The following NOL4L variants were observed in gnomAD, a reference collection of about 807,000 sequenced individuals.
NOL4L encodes the protein nucleolar protein 4-like.
In NOL4L, 7 loss-of-function variants were observed where a neutral mutation model predicts 64.5. The ratio of observed to expected loss-of-function variants is 0.11; its 90% CI spans 0.06 to 0.20. The LOEUF (loss-of-function observed/expected upper bound fraction) is 0.20, where lower values mean the gene tolerates loss of function less well. Among genes scored for constraint, NOL4L ranks in the 10% least tolerant of loss-of-function variants. The pLI, the probability that NOL4L is intolerant of heterozygous loss-of-function variation, is 1.00. For synonymous variants in NOL4L, 413 were observed against 401.0 expected (o/e 1.03, Z -0.36); for missense variants, 680 against 967.1 (o/e 0.70, Z 3.94).
Position 32,460,670 on chromosome 20 carries a change from C to T in NOL4L, c.842-4275G>A, listed in dbSNP as rs1466677962. On this transcript the variant is annotated intron_variant, in intron 5 of 10. Coordinates refer to ENST00000621426, the MANE Select transcript of NOL4L (RefSeq NM_001256798.2). The surrounding 1 kb of genome is among the most constrained non-coding windows in gnomAD (Gnocchi z 5.7). ...CCCCACATTTTCTCACATCATAACT[C>T]ACCCACTGCCGACGCACGAGGCTCC... Among the ~76,000 whole-genome samples the T allele has an allele frequency of 6.6e-6, 1 of 152,232 alleles. No homozygotes were observed. Among genetic ancestry groups the T allele is most frequent in the African/African-American group, 2.4e-5 (1 of 41,454 alleles).
chr20:32,474,357 C>T (rs1016956668), intron 5 of NOL4L, among the ~76,000 whole-genome samples: 2 of 152,262 alleles, frequency 1.3e-5, no homozygotes, highest in Admixed American at 6.5e-5. Flanking sequence ...CCCCCCGCCC[C>T]GCAGGCTGCC....
At chr20:32,506,810 C>T (rs1018248342) in intron 4 of NOL4L, among the ~76,000 whole-genome samples, 1 of 152,184 alleles carries the variant, frequency 6.6e-6, no homozygotes, top group South Asian at 2.1e-4. Context: ...CTCCTCCTCA[C>T]CTGCCCTCCA....
Position 32,452,443 on chromosome 20 carries a change from G to A in NOL4L, c.1621-6C>T, listed in dbSNP as rs71338907. 1.3e-6 allele frequency: 2 copies of A among 1,565,040 alleles called. No homozygotes were observed. The highest frequency in any genetic ancestry group is 3.8e-5 in the Admixed American group (2 of 52,780). ...TCCAGGGCTATGGGCTCATCCTGCAGAGGGGAGAGGGGGGCGCTGGGGAAA... is the reference window on the plus strand; with the variant it reads ...TCCAGGGCTATGGGCTCATCCTGCAAAGGGGAGAGGGGGGCGCTGGGGAAA... On this transcript the variant is annotated splice_polypyrimidine_tract_variant and splice_region_variant and intron_variant, in intron 9 of 10. Coordinates refer to ENST00000621426, the MANE Select transcript of NOL4L (RefSeq NM_001256798.2).
chr20:32,483,403 G>C, intron 4 of NOL4L: 1 of 986,588 alleles, frequency 1.0e-6, no homozygotes, highest in Non-Finnish European at 1.2e-6. Flanking sequence ...CGGGATCCGC[G>C]AGTGAGCGGG....
chr20:32,552,095 A>T (rs1978337687), intron 1 of NOL4L, among the ~76,000 whole-genome samples: 1 of 152,194 alleles, frequency 6.6e-6, no homozygotes, highest in African/African-American at 2.4e-5. Context: ...AGCCTGAATC[A>T]TATTTTAAAT....
intron 4 of NOL4L, among the ~76,000 whole-genome samples, chr20:32,507,806 G>A (rs1216245735): frequency 6.6e-6 from 1 of 152,070 alleles, no homozygotes; most frequent in Non-Finnish European, 1.5e-5. Flanking sequence ...TCAGGAGTTC[G>A]AGATCAGCCT....
chr20:32,549,168 A>T (rs980092835), intron 1 of NOL4L, among the ~76,000 whole-genome samples: 3 of 152,236 alleles, frequency 2.0e-5, no homozygotes, highest in African/African-American at 7.2e-5. Context: ...AAGAAAGCAA[A>T]AAGACAACTC....
chr20:32,536,646 C>T (rs2018537024), intron 1 of NOL4L, among the ~76,000 whole-genome samples: 1 of 150,058 alleles, frequency 6.7e-6, no homozygotes, highest in Non-Finnish European at 1.5e-5. Flanking sequence ...TGAGAGTAAC[C>T]ATGGCAACCC....
chr20:32,570,164 C>T (rs893874014), intron 1 of NOL4L, among the ~76,000 whole-genome samples: 1 of 152,102 alleles, frequency 6.6e-6, no homozygotes, highest in Non-Finnish European at 1.5e-5. Flanking sequence ...TACTAGGCAG[C>T]ACAGCCAGGA....
Position 32,584,766 on chromosome 20 carries a change from T to C in NOL4L, c.125A>G (p.Lys42Arg). The C allele has an allele frequency of 6.5e-7, 1 of 1,544,458 alleles. No homozygotes were observed. Among genetic ancestry groups the C allele is most frequent in the Non-Finnish European group, 8.7e-7 (1 of 1,145,396 alleles). ...LRTYGDSAKT[K>R]TVTRSKYQRI... ...CTGGTATTTGCTGCGTGTCACCGTC[T>C]TGGTTTTGGCCGAGTCGCCGTAGGT... The change falls in exon 1 of 11, where the codon AAG (lysine) becomes AGG (arginine). Residue 42 changes from lysine to arginine, a missense_variant. Physicochemically the swap from Lys to Arg is conservative, Grantham distance 26 (BLOSUM62 2). Around this residue, in one of 4 missense-constraint regions of NOL4L, gnomAD observed 181 missense variants for 335.2 expected, o/e 0.54. Transcript: ENST00000621426.
At chr20:32,534,721 A>G (rs2018456055) in intron 1 of NOL4L, among the ~76,000 whole-genome samples, 1 of 151,654 alleles carries the variant, frequency 6.6e-6, no homozygotes, top group Non-Finnish European at 1.5e-5. Context: ...TCTACAGAAA[A>G]TGCAAAAAAC....
At chr20:32,534,308 T>C (rs559191503) in intron 1 of NOL4L, among the ~76,000 whole-genome samples, 126 of 152,284 alleles carry the variant, frequency 8.3e-4, no homozygotes, top group African/African-American at 2.5e-3. Flanking sequence ...ACGAGATTGC[T>C]ATTGGACGAG....
At chr20:32,503,062 G>A (rs887188612) in intron 4 of NOL4L, among the ~76,000 whole-genome samples, 7 of 152,188 alleles carry the variant, frequency 4.6e-5, no homozygotes, top group Non-Finnish European at 1.0e-4. Flanking sequence ...AGCTCACAGC[G>A]GCTTCTCCAA....
rs143424817 is a variant in NOL4L, at chr20:32,460,905, C to T, written c.842-4510G>A. Reference sequence around the variant, plus strand: ...TCTGGCCCCTGAGCCATGGTGTCTCCCCTACTCTCGGCGACTCCTGCTCGC... The same window carrying T: ...TCTGGCCCCTGAGCCATGGTGTCTCTCCTACTCTCGGCGACTCCTGCTCGC... On this transcript the variant is annotated intron_variant, in intron 5 of 10. Coordinates refer to ENST00000621426, the MANE Select transcript of NOL4L (RefSeq NM_001256798.2). This position sits in a 1 kb window ranked among gnomAD's most constrained non-coding sequence, Gnocchi z 5.7. Among the ~76,000 whole-genome samples the T allele has an allele frequency of 8.2e-4, 125 of 152,306 alleles. 3 individuals are homozygous for T. The East Asian group carries it at 0.024, about 29-fold the overall frequency.
At chr20:32,525,308 C>T (rs987534572) in intron 2 of NOL4L, among the ~76,000 whole-genome samples, 1 of 152,194 alleles carries the variant, frequency 6.6e-6, no homozygotes, top group Non-Finnish European at 1.5e-5. Context: ...CCAGCTGGCT[C>T]CAGCCCATCC....
chr20:32,502,858 C>T (rs550136738), intron 4 of NOL4L, among the ~76,000 whole-genome samples: 17 of 152,040 alleles, frequency 1.1e-4, no homozygotes, highest in Middle Eastern at 6.8e-3. Context: ...TGCAACGAGC[C>T]GAGATCACAT....
At chr20:32,528,967 C>A (rs904797496) in intron 1 of NOL4L, among the ~76,000 whole-genome samples, 9 of 152,218 alleles carry the variant, frequency 5.9e-5, no homozygotes, top group Non-Finnish European at 1.0e-4. Context: ...CCCCAAAGGA[C>A]CCCAACTCAA....
At position 32,453,352 on chromosome 20, in the gene NOL4L, G is replaced by A. The variant is rs1435359750; in HGVS notation, c.1449C>T (p.Arg483=). ...TGCGACGGCAGGACTTGAGGTACGT[G>A]CGGATGCGCTTGCGGGCCCGCTCCT... ...EFQERARKRI[R]TYLKSCRRMK... Residue 483 remains arginine, a synonymous_variant, in exon 8 of 11, where the codon CGC becomes CGT. Coordinates refer to ENST00000621426, the MANE Select transcript of NOL4L (RefSeq NM_001256798.2). This position sits in a 1 kb window ranked among gnomAD's most constrained non-coding sequence, Gnocchi z 5.6. 1 of 1,614,096 alleles carries A rather than the reference G, an allele frequency of 6.2e-7. No individual in the cohort carries two copies.
At position 32,447,413 on chromosome 20, in the gene NOL4L, A is replaced by AAAAG; in HGVS notation, c.*182_*183insCTTT. ...CGTGTGGTGAGATTCCAAAAAAAAAAAAAAAAAAAAAAAAAAGTGTCCTTG... is the reference window on the plus strand; with the variant it reads ...CGTGTGGTGAGATTCCAAAAAAAAAAAAAGAAAAAAAAAAAAAAAAGTGTCCTTG... On this transcript the variant is annotated 3_prime_UTR_variant, in exon 11 of 11. Transcript: ENST00000621426. 5 of 717,554 alleles carry AAAAG rather than the reference A, an allele frequency of 7.0e-6. No homozygotes were observed. Among genetic ancestry groups the AAAAG allele is most frequent in the Non-Finnish European group, 4.3e-6 (2 of 469,748 alleles). The allele number at this position is 717,554 out of a possible 1,614,324, so 44.4% of individuals were successfully genotyped here.
Sources: allele counts gnomAD v4.1 joint callset (sites outside exome capture counted in the v4.1 genomes callset), GRCh38; gene constraint gnomAD v4.1.1; regional missense constraint gnomAD v4.1.1; non-coding constraint Gnocchi (gnomAD v3.1); transcripts MANE v1.5; gene names NCBI Gene and HGNC (gene_info 2026-07-23, HGNC 2026-07-21).